The following ANKRD28 variants were observed in gnomAD, a reference collection of about 807,000 sequenced individuals.
ANKRD28 encodes ankyrin repeat domain 28, also known as serine/threonine-protein phosphatase 6 regulatory ankyrin repeat subunit A.
ANKRD28 carries 44 observed loss-of-function variants against 126.5 expected under a neutral mutation model. The observed-to-expected ratio is 0.35, with a 90% CI of 0.27 to 0.45. The LOEUF is 0.45. Among genes scored for constraint, ANKRD28 ranks in the 20% least tolerant of loss-of-function variants. The probability of loss-of-function intolerance (pLI) is 1.00; values close to 1 mark genes in which losing one functional copy is unlikely to be tolerated. For missense variants in ANKRD28, 1,110 were observed against 1,316.6 expected (o/e 0.84, Z 2.43); for synonymous variants, 442 against 468.5 (o/e 0.94, Z 0.73).
At chr3:15,745,841 A>G (rs1343883096) in intron 4 of ANKRD28, among the ~76,000 whole-genome samples, 1 of 152,106 alleles carries the variant, frequency 6.6e-6, no homozygotes, top group Non-Finnish European at 1.5e-5. Flanking sequence ...CCCATCCATG[A>G]GCATGGGATA....
In ANKRD28 at chr3:15,675,979, C is replaced by A; in HGVS notation, c.2884G>T (p.Val962Phe). The A allele has an allele frequency of 6.2e-7, 1 of 1,612,586 alleles. No individual in the cohort carries two copies. Among genetic ancestry groups the A allele is most frequent in the Non-Finnish European group, 8.5e-7 (1 of 1,179,012 alleles). The change falls in exon 27 of 28, where the codon GTT (valine) becomes TTT (phenylalanine). Residue 962 changes from valine (V) to phenylalanine (F), a missense_variant. By Grantham distance (50) the Val-to-Phe change is conservative (BLOSUM62 -1). Coordinates refer to ENST00000683139, the MANE Select transcript of ANKRD28 (RefSeq NM_001349278.2). ...ATTGTTAGCCCATTTCGGGCAGCAA[C>A]ATGCAGAGGTCTAGGGGAAAAAACA... is the stretch of plus-strand genomic sequence containing the variant. ...TNAALQTPLHVAARNGLTMVV... is the reference protein window; with the variant it reads ...TNAALQTPLHFAARNGLTMVV...
intron 6 of ANKRD28, among the ~76,000 whole-genome samples, chr3:15,725,364 C>T (rs367751521): frequency 7.9e-5 from 12 of 152,226 alleles, no homozygotes; most frequent in African/African-American, 2.6e-4. Context: ...TCAGTGATAA[C>T]CCTGCAATCT....
chr3:15,796,346 C>A, intron 1 of ANKRD28, 59 bp downstream of exon 1: 2 of 1,008,322 alleles, frequency 2.0e-6, no homozygotes, highest in Non-Finnish European at 2.5e-6. Context: ...TCTTAAAAAA[C>A]AAGATTTATA....
intron 1 of ANKRD28, among the ~76,000 whole-genome samples, chr3:15,850,224 T>TATATATATATATATATAGAGAG (rs1418223588): frequency 1.9e-3 from 67 of 35,096 alleles, no homozygotes; most frequent in Non-Finnish European, 3.2e-3. Flanking sequence ...TATATATATA[T>TATATATATATATATATAGAGAG]AGAGAGAGAG....
At chr3:15,844,349 C>A (rs549607307) in intron 1 of ANKRD28, among the ~76,000 whole-genome samples, 2 of 151,978 alleles carry the variant, frequency 1.3e-5, no homozygotes, top group Admixed American at 6.6e-5. Context: ...CGAAAGGGAA[C>A]CAAACAGATT....
chr3:15,788,648 T>C (rs1385872870), intron 2 of ANKRD28, among the ~76,000 whole-genome samples: 1 of 152,138 alleles, frequency 6.6e-6, no homozygotes, highest in Admixed American at 6.5e-5. Context: ...TAAAGAAGAA[T>C]CAAAGTTTTC....
At chr3:15,775,424 C>T (rs1014533845) in intron 2 of ANKRD28, among the ~76,000 whole-genome samples, 3 of 152,152 alleles carry the variant, frequency 2.0e-5, no homozygotes, top group Non-Finnish European at 4.4e-5. Flanking sequence ...ACTCTAATTC[C>T]ATTTAATCCT....
At chr3:15,704,338 A>G (rs755603914) in intron 14 of ANKRD28, among the ~76,000 whole-genome samples, 7 of 152,058 alleles carry the variant, frequency 4.6e-5, no homozygotes, top group Non-Finnish European at 8.8e-5. Flanking sequence ...TATTTACTCA[A>G]AGTGAGGATG....
At position 15,797,597 on chromosome 3, in the gene ANKRD28, ATTCCAGTGT is replaced by A. The variant is rs1352081466; in HGVS notation, c.-1085_-1077del. 1.1e-5 allele frequency: 11 copies of A among 984,958 alleles called. No individual in the cohort carries two copies. Among genetic ancestry groups the A allele is most frequent in the Non-Finnish European group, 1.2e-5 (10 of 829,872 alleles). The allele number at this position is 984,958 out of a possible 1,614,324, so 61.0% of individuals were successfully genotyped here. A position where few individuals can be genotyped will look rare whatever the true frequency, so the allele number is the denominator to read the frequency against. ...GGGGGGAAAAACATAGTAGTGTATC[ATTCCAGTGT>A]TTCCTTTGATCTCCACATGAATACA... is the stretch of plus-strand genomic sequence containing the variant. On this transcript the variant is annotated 5_prime_UTR_variant, in exon 1 of 28. In the 5' UTR this introduces an upstream ATG that the reference lacks. Transcript: ENST00000683139.
chr3:15,848,863 C>T (rs2061580515), intron 1 of ANKRD28, among the ~76,000 whole-genome samples: 1 of 152,058 alleles, frequency 6.6e-6, no homozygotes, highest in Non-Finnish European at 1.5e-5. Context: ...AGGTTCTAGT[C>T]TGGGCAAGTA....
chr3:15,836,461 G>C (rs1027342384), intron 1 of ANKRD28, among the ~76,000 whole-genome samples: 1 of 152,048 alleles, frequency 6.6e-6, no homozygotes, highest in African/African-American at 2.4e-5. Context: ...AATAGCAACT[G>C]AGATACAAAT....
chr3:15,710,384 T>C (rs545466736), intron 12 of ANKRD28, among the ~76,000 whole-genome samples: 2 of 152,284 alleles, frequency 1.3e-5, no homozygotes, highest in East Asian at 3.9e-4. Context: ...AAGTCTGTTG[T>C]CCCTCTCTCT....
chr3:15,771,801 C>T (rs1441166732), intron 2 of ANKRD28, among the ~76,000 whole-genome samples: 2 of 152,104 alleles, frequency 1.3e-5, no homozygotes, highest in Non-Finnish European at 1.5e-5. Flanking sequence ...GAGCCAAAAC[C>T]AAACCTTAAC....
intron 4 of ANKRD28, among the ~76,000 whole-genome samples, chr3:15,741,333 A>G (rs2075455136): frequency 6.6e-6 from 1 of 152,208 alleles, no homozygotes; most frequent in South Asian, 2.1e-4. Context: ...AGAACTACAA[A>G]TCAAAGAGCC....
At chr3:15,704,336 CA>C (rs1259622994) in intron 14 of ANKRD28, among the ~76,000 whole-genome samples, 1 of 151,826 alleles carries the variant, frequency 6.6e-6, no homozygotes, top group East Asian at 1.9e-4. Context: ...ATTATTTACT[CA>C]AAGTGAGGAT....
At chr3:15,789,316 C>A (rs775328423) in intron 2 of ANKRD28, among the ~76,000 whole-genome samples, 13 of 152,076 alleles carry the variant, frequency 8.5e-5, no homozygotes, top group Non-Finnish European at 1.5e-4. Context: ...CAAGACTGAT[C>A]TAGCAAAAAG....
rs573763059 is a variant in ANKRD28, at chr3:15,850,283, T to C, written c.27+9094A>G. Among the ~76,000 whole-genome samples, 59 of 133,978 alleles carry C rather than the reference T, an allele frequency of 4.4e-4. No homozygotes were observed. The South Asian group carries it at 0.012, about 27-fold the overall frequency. 87.9% of individuals were successfully genotyped at this position (133,978 alleles called of 152,430 possible). A position where few individuals can be genotyped will look rare whatever the true frequency, so the allele number is the denominator to read the frequency against. ...GAGAGAAAGTTGAAATCCTACCTCATAGCATATACAAAACAACTCAATATG... is the reference window on the plus strand; with the variant it reads ...GAGAGAAAGTTGAAATCCTACCTCACAGCATATACAAAACAACTCAATATG... On this transcript the variant is annotated intron_variant, in intron 1 of 27. Coordinates refer to the ANKRD28 transcript ENST00000399451.
In ANKRD28 at chr3:15,667,486, G is replaced by A. The variant is rs2066042489; in HGVS notation, c.*2784C>T. 6.6e-6 allele frequency: 1 copy of A among 152,178 alleles called. No homozygotes were observed. The highest frequency in any genetic ancestry group is 1.5e-5 in the Non-Finnish European group (1 of 68,034). The allele number at this position is 152,178 out of a possible 1,614,324, so 9.4% of individuals were successfully genotyped here. A position where few individuals can be genotyped will look rare whatever the true frequency, so the allele number is the denominator to read the frequency against. Reference sequence around the variant, plus strand: ...ATGTATAAGTTAAATAAAGCAAACAGGCTTTTCTACTCTGTGTGAGGATAA... The same window carrying A: ...ATGTATAAGTTAAATAAAGCAAACAAGCTTTTCTACTCTGTGTGAGGATAA... On this transcript the variant is annotated 3_prime_UTR_variant, in exon 28 of 28. Coordinates refer to ENST00000683139, the MANE Select transcript of ANKRD28 (RefSeq NM_001349278.2).
At chr3:15,683,054 T>C (rs183423196) in intron 21 of ANKRD28, among the ~76,000 whole-genome samples, 40 of 152,320 alleles carry the variant, frequency 2.6e-4, no homozygotes, top group Admixed American at 2.6e-3. Context: ...ATGTTCTACA[T>C]ATAGATCTGA....
Sources: allele counts gnomAD v4.1 joint callset (sites outside exome capture counted in the v4.1 genomes callset), GRCh38; gene constraint gnomAD v4.1.1; transcripts MANE v1.5; gene names NCBI Gene and HGNC (gene_info 2026-07-23, HGNC 2026-07-21).